CHTF18: variants seen among roughly 807,000 people sequenced by gnomAD.
The protein encoded by CHTF18 is chromosome transmission fidelity protein 18 homolog.
A neutral mutation model predicts 113.4 loss-of-function variants in CHTF18; 151 were observed. The observed-to-expected ratio is 1.33, with a 90% CI of 1.17 to 1.52. CHTF18 has a LOEUF of 1.52. CHTF18 is among the 40% of genes most tolerant of loss of function. The probability of loss-of-function intolerance (pLI) is 0.00; values close to 1 mark genes in which losing one functional copy is unlikely to be tolerated. For synonymous variants in CHTF18, 916 were observed against 598.8 expected, an observed-to-expected ratio of 1.53 and a Z score of -7.74; for missense variants, 1,982 against 1,381.6, an observed-to-expected ratio of 1.43 and a Z score of -6.89.
rs376285407 is a variant in CHTF18, at chr16:796,825, G to C, written c.2565G>C (p.Arg855=). The C allele has an allele frequency of 6.2e-7, 1 of 1,607,814 alleles. No individual in the cohort carries two copies. The highest frequency in any genetic ancestry group is 1.1e-5 in the South Asian group (1 of 90,906). ...AREIEVEKMR[R]AEASARVENS... Reference sequence around the variant, plus strand: ...AGATCGAGGTGGAGAAGATGCGGCGGGCGGAGGCTTCTGCCCGGGTAGAGA... The same window carrying C: ...AGATCGAGGTGGAGAAGATGCGGCGCGCGGAGGCTTCTGCCCGGGTAGAGA... The change falls in exon 19 of 22, where the codon CGG becomes CGC. Residue 855 remains arginine, a synonymous_variant. Coordinates refer to ENST00000262315, the MANE Select transcript of CHTF18 (RefSeq NM_022092.3).
rs115854143 is a variant in CHTF18 at position 793,961 on chromosome 16, G to A, written c.1803-93G>A. ...GCTGAGAAGAATGAAGTGGGTGGCAGCTCTGATGGGGCCTCTGAGTGTCCC... is the reference window on the plus strand; with the variant it reads ...GCTGAGAAGAATGAAGTGGGTGGCAACTCTGATGGGGCCTCTGAGTGTCCC... On this transcript the variant is annotated intron_variant, in intron 14 of 21. Coordinates refer to ENST00000262315, the MANE Select transcript of CHTF18 (RefSeq NM_022092.3). 25 of 1,417,900 alleles carry A rather than the reference G, an allele frequency of 1.8e-5. No individual in the cohort carries two copies. The African/African-American group carries it at 2.5e-4, about 14-fold the overall frequency. 87.8% of individuals were successfully genotyped at this position (1,417,900 alleles called of 1,614,324 possible).
intron 4 of CHTF18, 190 bp from the exon 5 acceptor site, chr16:789,987 C>T (rs1328281703): frequency 4.6e-6 from 7 of 1,535,252 alleles, no homozygotes; most frequent in Non-Finnish European, 6.1e-6. Context: ...CCTAAAGCTG[C>T]CCCCAATTTC....
In CHTF18 at chr16:797,016, G is replaced by C; in HGVS notation, c.2657G>C (p.Gly886Ala). The change falls in exon 20 of 22, where the codon GGG (glycine) becomes GCG (alanine). Residue 886 changes from glycine to alanine, a missense_variant. Coordinates refer to ENST00000262315, the MANE Select transcript of CHTF18 (RefSeq NM_022092.3). Reference sequence around the variant, plus strand: ...CTGCTGGGGGGCATTGGGGAGAAAGGGGTGCACCGACCTGCCCCACGCAAC... The same window carrying C: ...CTGCTGGGGGGCATTGGGGAGAAAGCGGTGCACCGACCTGCCCCACGCAAC... ...EGLLGGIGEK[G>A]VHRPAPRNHE... The C allele has an allele frequency of 6.4e-7, 1 of 1,557,162 alleles. No homozygotes were observed. The highest frequency in any genetic ancestry group is 8.7e-7 in the Non-Finnish European group (1 of 1,150,958).
In CHTF18 at chr16:789,638, T is replaced by G; in HGVS notation, c.529T>G (p.Tyr177Asp). The G allele has an allele frequency of 6.2e-7, 1 of 1,607,356 alleles. No individual in the cohort carries two copies. Among genetic ancestry groups the G allele is most frequent in the Non-Finnish European group, 8.5e-7 (1 of 1,179,746 alleles). Reference sequence around the variant, plus strand: ...GAGGCGGCCCCCCATCTTGGAGGACTACGTCCACGTGACATCCACGGAGGG... The same window carrying G: ...GAGGCGGCCCCCCATCTTGGAGGACGACGTCCACGTGACATCCACGGAGGG... ...VLRRPPILEDYVHVTSTEGVR... is the reference protein window; with the variant it reads ...VLRRPPILEDDVHVTSTEGVR... Residue 177 changes from tyrosine to aspartate, a missense_variant, in exon 4 of 22, where the codon TAC (tyrosine) becomes GAC (aspartate). Coordinates refer to ENST00000262315, the MANE Select transcript of CHTF18 (RefSeq NM_022092.3).
chr16:790,903 C>T, intron 7 of CHTF18: 1 of 1,432,336 alleles, frequency 7.0e-7, no homozygotes, highest in African/African-American at 1.4e-5. Context: ...GTCTCTGTTC[C>T]CTTTCCTACC....
rs2294447 is a variant in CHTF18, at chr16:797,083, G to A, written c.2724G>A (p.Arg908=). 332 of 1,527,476 alleles carry A rather than the reference G, an allele frequency of 2.2e-4. No homozygotes were observed. The East Asian group carries it at 7.4e-3, about 34-fold the overall frequency. 94.6% of individuals were successfully genotyped at this position (1,527,476 alleles called of 1,614,324 possible). Residue 908 remains arginine (R), a synonymous_variant, in exon 20 of 22, where the codon CGG becomes CGA. Transcript: ENST00000262315. ...RLEHIMRRAA[R]EEQPEKDFFG... is the part of the protein sequence containing the mutation. ...AGCACATCATGAGGCGAGCGGCCCG[G>A]GAGGAACAGGTGTGGAATGGGCAGC... is the stretch of plus-strand genomic sequence containing the variant.
rs773509729 is a variant in CHTF18 at position 797,886 on chromosome 16, G to T, written c.2839G>T (p.Ala947Ser). 21 of 1,610,664 alleles carry T rather than the reference G, an allele frequency of 1.3e-5. No homozygotes were observed. Among genetic ancestry groups the T allele is most frequent in the Non-Finnish European group, 1.7e-5 (20 of 1,179,128 alleles). ...QDSVERRMGT[A>S]VGRSEVWFRF... Reference sequence around the variant, plus strand: ...CTCAGTGGAGCGGCGCATGGGCACAGCGGTGGGCAGGAGCGAGGTCTGGTT... The same window carrying T: ...CTCAGTGGAGCGGCGCATGGGCACATCGGTGGGCAGGAGCGAGGTCTGGTT... The change falls in exon 22 of 22, where the codon GCG (alanine) becomes TCG (serine). Residue 947 changes from alanine (A) to serine (S), a missense_variant. Coordinates refer to ENST00000262315, the MANE Select transcript of CHTF18 (RefSeq NM_022092.3).
chr16:796,689 T>A, intron 18 of CHTF18, 28 bp from the exon 19 acceptor site: 1 of 1,562,424 alleles, frequency 6.4e-7, no homozygotes, highest in East Asian at 2.3e-5. Context: ...CCCGCTGACC[T>A]GCCCTGGTGT....
rs114122804 is a variant in CHTF18 at position 790,531 on chromosome 16, G to T, written c.759G>T (p.Arg253Ser). 3 of 1,600,470 alleles carry T rather than the reference G, an allele frequency of 1.9e-6. No homozygotes were observed. Among genetic ancestry groups the T allele is most frequent in the Non-Finnish European group, 2.6e-6 (3 of 1,174,598 alleles). The change falls in exon 7 of 22, where the codon AGG becomes AGT. Residue 253 changes from arginine to serine, a missense_variant. Arg to Ser is a moderately radical substitution (Grantham distance 110). Transcript: ENST00000262315. ...QKLSDTLHSL[R>S]SGEEEAAQPL... ...AGGACGTGGTCCTCTCCAGTCTCAG[G>T]TCGGGGGAGGAGGAGGCAGCCCAGC...
chr16:794,345 G>A (rs2042281142), intron 15 of CHTF18, 144 bp downstream of exon 15: 2 of 976,224 alleles, frequency 2.0e-6, no homozygotes, highest in Non-Finnish European at 3.0e-6. Context: ...GGGGTGCCAG[G>A]AAGTCTCTGA....
rs775062084 is a variant in CHTF18, at chr16:795,994, C to T, written c.2373C>T (p.Ser791=). The stretch of plus-strand genomic sequence containing the variant: ...CCCGTGAAAAGCAACAGCTGGCCAG[C>T]CTGGTGGGCACGATGCTCGCTTACA... ...YSTREKQQLA[S]LVGTMLAYSL... is the part of the protein sequence containing the mutation. The change falls in exon 18 of 22, where the codon AGC becomes AGT. Residue 791 remains serine, a synonymous_variant. Coordinates refer to ENST00000262315, the MANE Select transcript of CHTF18 (RefSeq NM_022092.3). The T allele has an allele frequency of 7.7e-5, 124 of 1,608,534 alleles. No individual in the cohort carries two copies. The highest frequency in any genetic ancestry group is 9.3e-5 in the Non-Finnish European group (109 of 1,178,152).
chr16:796,775 C>T lies in CHTF18; in HGVS notation c.2515C>T (p.Gln839Ter). 2 of 1,609,766 alleles carry T rather than the reference C, an allele frequency of 1.2e-6. No homozygotes were observed. Among genetic ancestry groups the T allele is most frequent in the Non-Finnish European group, 1.7e-6 (2 of 1,179,622 alleles). Residue 839 changes from glutamine (Q) to a stop codon, truncating the protein, a stop_gained, in exon 19 of 22, where the codon CAG becomes TAG. Coordinates refer to ENST00000262315, the MANE Select transcript of CHTF18 (RefSeq NM_022092.3). LOFTEE classifies it high-confidence loss of function. ...GCCTGCCCGCAAGCCCCTCACCTAC[C>T]AGACGAAGCAGCTCATCGCCCGCGA... ...ELPARKPLTY[Q>*]TKQLIAREIE...
chr16:789,955 C>CT (rs2042134268), intron 4 of CHTF18: 3 of 1,531,870 alleles, frequency 2.0e-6, no homozygotes, highest in South Asian at 1.2e-5. Context: ...TCCCCTCCTG[C>CT]TTTTGCCCTT....
In CHTF18 at chr16:792,758, C is replaced by T. The variant is rs1426415139; in HGVS notation, c.1519C>T (p.Leu507=). 2.6e-6 allele frequency: 4 copies of T among 1,551,192 alleles called. No homozygotes were observed. The highest frequency in any genetic ancestry group is 3.8e-5 in the Admixed American group (2 of 52,328). The change falls in exon 12 of 22, where the codon CTG becomes TTG. Residue 507 remains leucine (L), a synonymous_variant. Coordinates refer to ENST00000262315, the MANE Select transcript of CHTF18 (RefSeq NM_022092.3). ...GCGGCAGCTGAAGCAGCAGGCCTTC[C>T]TGCTCCACTTCCCGCCGACTCTGCC... is the stretch of plus-strand genomic sequence containing the variant. ...SLRQLKQQAF[L]LHFPPTLPSR...
chr16:794,831 C>T (rs1218629917), intron 15 of CHTF18: 5 of 438,204 alleles, frequency 1.1e-5, no homozygotes, highest in Non-Finnish European at 2.1e-5. Context: ...CCTTTGGTTC[C>T]TGGAGGCCTC....
chr16:794,116 C>A lies in CHTF18; in HGVS notation c.1865C>A (p.Ala622Glu), dbSNP rs200658090. Residue 622 changes from alanine (A) to glutamate (E), a missense_variant, in exon 15 of 22, where the codon GCG becomes GAG. By Grantham distance (107) the Ala-to-Glu change is moderately radical (BLOSUM62 -1). Coordinates refer to ENST00000262315, the MANE Select transcript of CHTF18 (RefSeq NM_022092.3). Reference sequence around the variant, plus strand: ...ACACTCCTGCTGGGTGACGGGGACGCGGGCTCCCTCACCTCCGCCTCACAG... The same window carrying A: ...ACACTCCTGCTGGGTGACGGGGACGAGGGCTCCCTCACCTCCGCCTCACAG... ...ADTLLLGDGD[A>E]GSLTSASQRF... 6.2e-7 allele frequency: 1 copy of A among 1,612,358 alleles called. No homozygotes were observed. The highest frequency in any genetic ancestry group is 8.5e-7 in the Non-Finnish European group (1 of 1,179,748).
rs912332483 is a variant in CHTF18, at chr16:796,836, C to G, written c.2576C>G (p.Ser859Cys). The change falls in exon 19 of 22, where the codon TCT becomes TGT. Residue 859 changes from serine to cysteine, a missense_variant. Transcript: ENST00000262315. ...GAGAAGATGCGGCGGGCGGAGGCTT[C>G]TGCCCGGGTAGAGAACAGCCCCCAG... Reference protein sequence around the residue: ...EVEKMRRAEASARVENSPQVD... With the variant: ...EVEKMRRAEACARVENSPQVD... 6.2e-7 allele frequency: 1 copy of G among 1,607,112 alleles called. No homozygotes were observed. The highest frequency in any genetic ancestry group is 8.5e-7 in the Non-Finnish European group (1 of 1,178,514).
chr16:790,882 A>G, intron 7 of CHTF18: 2 of 1,432,006 alleles, frequency 1.4e-6, no homozygotes, highest in Non-Finnish European at 1.8e-6. Context: ...CCAGGGTGTC[A>G]CCTGATCCAA....
chr16:792,019 A>T (rs1268637526), intron 9 of CHTF18, 71 bp downstream of exon 9: 1 of 1,553,536 alleles, frequency 6.4e-7, no homozygotes, highest in East Asian at 2.4e-5. Context: ...GGCGGACCTG[A>T]AACCGGGTGT....
Sources: gnomAD v4.1 joint callset for allele counts on GRCh38, gnomAD v4.1.1 for gene constraint, MANE v1.5 for transcripts, NCBI Gene and HGNC (gene_info 2026-07-23, HGNC 2026-07-21) for gene names.